WNK2: variants seen among roughly 807,000 people sequenced by gnomAD.
WNK2 encodes WNK lysine deficient protein kinase 2.
A neutral mutation model predicts 192.1 loss-of-function variants in WNK2; 67 were observed. The observed-to-expected ratio is 0.35, with a 90% CI of 0.29 to 0.43. WNK2 has a LOEUF of 0.43. Ranked by LOEUF, WNK2 falls within the 20% of genes least tolerant of loss-of-function variation. WNK2 has a pLI of 1.00. For synonymous variants in WNK2, 1,439 were observed against 1,393.9 expected, an observed-to-expected ratio of 1.03 and a Z score of -0.72; for missense variants, 2,698 against 3,089.7, an observed-to-expected ratio of 0.87 and a Z score of 3.01.
intron 18 of WNK2, 89 bp from the exon 19 acceptor site, chr9:93,268,538 T>TTGCACAG: frequency 6.5e-7 from 1 of 1,544,692 alleles, no homozygotes; most frequent in South Asian, 1.2e-5. Context: ...ACAGACCCAC[T>TTGCACAG]GTGGCAAGTC....
At chr9:93,319,451 G>A (rs1041260821) in intron 29 of WNK2, 38 of 976,956 alleles carry the variant, frequency 3.9e-5, no homozygotes, top group South Asian at 9.4e-5. Flanking sequence ...CCTGGGCCCC[G>A]AGCACGGTCA....
intron 2 of WNK2, among the ~76,000 whole-genome samples, chr9:93,190,259 G>A (rs1422155826): frequency 5.3e-5 from 8 of 152,202 alleles, no homozygotes; most frequent in East Asian, 3.8e-4. Flanking sequence ...TCTGCCCCCC[G>A]AGTGGTGGTG....
rs1018737924 is a variant in WNK2, at chr9:93,247,451, A to G, written c.1543-92A>G. 4.2e-6 allele frequency: 6 copies of G among 1,418,222 alleles called. No individual in the cohort carries two copies. The highest frequency in any genetic ancestry group is 5.8e-6 in the Non-Finnish European group (6 of 1,033,916). The allele number at this position is 1,418,222 out of a possible 1,614,324, so 87.9% of individuals were successfully genotyped here. A position where few individuals can be genotyped will look rare whatever the true frequency, so the allele number is the denominator to read the frequency against. On this transcript the variant is annotated intron_variant, in intron 7 of 29. Coordinates refer to ENST00000427277, the MANE Select transcript of WNK2 (RefSeq NM_006648.4). This position sits in a 1 kb window ranked among gnomAD's most constrained non-coding sequence, Gnocchi z 5.2. ...GGGATGGCGAGCGTGTCCTGCGTGG[A>G]TGAGCCAGTGATGGGAAAGCACTTT...
chr9:93,291,823 G>A (rs1849413591), intron 21 of WNK2, among the ~76,000 whole-genome samples: 1 of 152,190 alleles, frequency 6.6e-6, no homozygotes, highest in Non-Finnish European at 1.5e-5. Flanking sequence ...GCAACCCTGG[G>A]AAAAGCTAGT....
chr9:93,307,172 C>G lies in WNK2; in HGVS notation c.6259+351C>G, dbSNP rs897175528. On this transcript the variant is annotated intron_variant, in intron 27 of 29. Coordinates refer to ENST00000427277, the MANE Select transcript of WNK2 (RefSeq NM_006648.4). ...GAAGTCCTAAAGATGAGTGCCTCCCCACGAGGAGAGATGCCAGGACTGAGT... is the reference window on the plus strand; with the variant it reads ...GAAGTCCTAAAGATGAGTGCCTCCCGACGAGGAGAGATGCCAGGACTGAGT... 4 of 348,860 alleles carry G rather than the reference C, an allele frequency of 1.1e-5. No individual in the cohort carries two copies. In the Admixed American group the frequency reaches 1.8e-4, roughly 16 times the overall value. 21.6% of individuals were successfully genotyped at this position (348,860 alleles called of 1,614,324 possible). A position where few individuals can be genotyped will look rare whatever the true frequency, so the allele number is the denominator to read the frequency against.
intron 15 of WNK2, 83 bp from the exon 16 acceptor site, chr9:93,263,834 G>C: frequency 1.8e-6 from 1 of 552,260 alleles, no homozygotes; most frequent in Non-Finnish European, 3.0e-6. Context: ...GGGTGGGGGG[G>C]AGGGGTACTT....
At position 93,256,444 on chromosome 9, in the gene WNK2, C is replaced by G. The variant is rs759861954; in HGVS notation, c.2180C>G (p.Pro727Arg). The G allele has an allele frequency of 1.3e-6, 2 of 1,528,094 alleles. No homozygotes were observed. The highest frequency in any genetic ancestry group is 1.8e-6 in the Non-Finnish European group (2 of 1,142,184). 94.7% of individuals were successfully genotyped at this position (1,528,094 alleles called of 1,614,324 possible). Residue 727 changes from proline to arginine, a missense_variant, in exon 10 of 30, where the codon CCC becomes CGC. Pro to Arg is a moderately radical substitution (Grantham distance 103). This residue lies in a region of WNK2 where 893 missense variants were observed against 909.0 expected (regional missense o/e 0.98). Coordinates refer to ENST00000427277, the MANE Select transcript of WNK2 (RefSeq NM_006648.4). ...MPTGPGQPAP[P>R]GQQPPPLAQP... ...ACGGGCCCAGGCCAGCCAGCACCCC[C>G]CGGCCAGCAGGTGAGTGTGGCACCT... is the stretch of plus-strand genomic sequence containing the variant.
At chr9:93,204,639 G>T (rs1833056327) in intron 2 of WNK2, among the ~76,000 whole-genome samples, 1 of 152,254 alleles carries the variant, frequency 6.6e-6, no homozygotes, top group Non-Finnish European at 1.5e-5. Flanking sequence ...CACGGGCTAG[G>T]TGTGTGACAG....
intron 2 of WNK2, among the ~76,000 whole-genome samples, chr9:93,207,592 A>C (rs900721083): frequency 6.6e-6 from 1 of 152,140 alleles, no homozygotes; most frequent in Non-Finnish European, 1.5e-5. Flanking sequence ...TTTGGTGCAA[A>C]CCCCAGAGCC....
At chr9:93,245,032 C>T (rs938691564) in intron 7 of WNK2, among the ~76,000 whole-genome samples, 2 of 152,044 alleles carry the variant, frequency 1.3e-5, no homozygotes, top group Non-Finnish European at 2.9e-5. Context: ...CTCCCCCGCC[C>T]CACTTATGTC....
intron 27 of WNK2, chr9:93,307,054 A>G: frequency 1.7e-6 from 1 of 583,198 alleles, no homozygotes; most frequent in South Asian, 2.0e-5. Flanking sequence ...TCGCCAGTTC[A>G]CATCTAACGG....
At chr9:93,246,947 C>G (rs957192860) in intron 7 of WNK2, among the ~76,000 whole-genome samples, 1 of 152,254 alleles carries the variant, frequency 6.6e-6, no homozygotes, top group South Asian at 2.1e-4. Context: ...CGTGAATATT[C>G]TTGGCGAGCT....
chr9:93,206,125 C>T (rs1018178129), intron 2 of WNK2, among the ~76,000 whole-genome samples: 3 of 152,182 alleles, frequency 2.0e-5, no homozygotes, highest in Admixed American at 1.3e-4. Flanking sequence ...GAGGGGCATG[C>T]GGGGTACAGG....
Position 93,247,104 on chromosome 9 carries a change from C to T in WNK2, c.1543-439C>T, listed in dbSNP as rs1406390405. Among the ~76,000 whole-genome samples the T allele has an allele frequency of 3.3e-5, 5 of 152,236 alleles. No individual in the cohort carries two copies. The highest frequency in any genetic ancestry group is 2.1e-4 in the South Asian group (1 of 4,830). On this transcript the variant is annotated intron_variant, in intron 7 of 29. Transcript: ENST00000427277. The surrounding 1 kb of genome is among the most constrained non-coding windows in gnomAD (Gnocchi z 5.2). Reference sequence around the variant, plus strand: ...GCATGTCCTTCCTCCATCTGCAACTCGGGTGTGGCCCCGTTCCCCATCTTT... The same window carrying T: ...GCATGTCCTTCCTCCATCTGCAACTTGGGTGTGGCCCCGTTCCCCATCTTT...
chr9:93,317,705 T>C, intron 29 of WNK2, 74 bp downstream of exon 29: 7 of 1,544,142 alleles, frequency 4.5e-6, no homozygotes, highest in Non-Finnish European at 6.2e-6. Flanking sequence ...TGCTCCCAGC[T>C]CCAGTGTCCT....
chr9:93,307,043 C>T, intron 27 of WNK2: 1 of 600,808 alleles, frequency 1.7e-6, no homozygotes, highest in Non-Finnish European at 3.0e-6. Context: ...TTTGTGCGGT[C>T]TCGCCAGTTC....
intron 29 of WNK2, chr9:93,319,439 G>T (rs934676409): frequency 2.7e-5 from 27 of 983,202 alleles, no homozygotes; most frequent in Non-Finnish European, 3.1e-5. Flanking sequence ...CGCCAGCTGT[G>T]GCCTGGGCCC....
chr9:93,185,110 G>A lies in WNK2; in HGVS notation c.181G>A (p.Glu61Lys). The change falls in exon 2 of 30, where the codon GAG becomes AAG. Residue 61 changes from glutamate to lysine, a missense_variant. By Grantham distance (56) the Glu-to-Lys change is moderately conservative. Around this residue, in one of 7 missense-constraint regions of WNK2, gnomAD observed 260 missense variants for 285.6 expected, o/e 0.91. Coordinates refer to ENST00000427277, the MANE Select transcript of WNK2 (RefSeq NM_006648.4). ...GGAGCCGCCGGGCTTGGAGGCAGCC[G>A]AGGCGCCGGGCCCGCAGCCCCCGCA... ...QEEPPGLEAA[E>K]APGPQPPQPL... The A allele has an allele frequency of 7.6e-7, 1 of 1,310,348 alleles. No homozygotes were observed. Among genetic ancestry groups the A allele is most frequent in the Admixed American group, 3.2e-5 (1 of 31,586 alleles). 81.2% of individuals were successfully genotyped at this position (1,310,348 alleles called of 1,614,324 possible).
At chr9:93,243,470 C>A (rs1256313660) in intron 7 of WNK2, among the ~76,000 whole-genome samples, 1 of 152,232 alleles carries the variant, frequency 6.6e-6, no homozygotes, top group Non-Finnish European at 1.5e-5. Context: ...TTCACCCCCG[C>A]TTCTGCATCT....
Sources: allele counts gnomAD v4.1 joint callset (sites outside exome capture counted in the v4.1 genomes callset), GRCh38; gene constraint gnomAD v4.1.1; regional missense constraint gnomAD v4.1.1; non-coding constraint Gnocchi (gnomAD v3.1); transcripts MANE v1.5; gene names NCBI Gene and HGNC (gene_info 2026-07-23, HGNC 2026-07-21).